The following ATP8A1 variants were observed in gnomAD, a reference collection of about 807,000 sequenced individuals.
ATP8A1 encodes the protein phospholipid-transporting ATPase IA.
Under a neutral mutation model 177.7 loss-of-function variants are expected in ATP8A1, and 90 were observed. The ratio of observed to expected loss-of-function variants is 0.51; its 90% CI spans 0.43 to 0.60. The LOEUF is 0.60. Among genes scored for constraint, ATP8A1 ranks in the 20% least tolerant of loss-of-function variants. ATP8A1 has a pLI of 0.00. For synonymous variants in ATP8A1, 493 were observed against 485.9 expected (o/e 1.01, Z -0.19); for missense variants, 1,072 against 1,392.8 (o/e 0.77, Z 3.67).
At chr4:42,544,047 G>T in intron 19 of ATP8A1, 61 bp from the exon 20 acceptor site, 1 of 1,303,142 alleles carries the variant, frequency 7.7e-7, no homozygotes, top group Non-Finnish European at 1.1e-6. Flanking sequence ...GTATGTGTTT[G>T]TCATGCCTCA....
chr4:42,583,546 A>T (rs1409869315), intron 9 of ATP8A1, among the ~76,000 whole-genome samples: 1 of 152,172 alleles, frequency 6.6e-6, no homozygotes, highest in African/African-American at 2.4e-5. Flanking sequence ...ATTAGACACA[A>T]ACTCTTCAAA....
intron 24 of ATP8A1, among the ~76,000 whole-genome samples, chr4:42,498,272 A>G (rs1265728471): frequency 2.0e-5 from 3 of 152,200 alleles, no homozygotes; most frequent in Admixed American, 2.0e-4. Flanking sequence ...CCCGTTCCCA[A>G]AACAGTGAGG....
At chr4:42,566,786 T>C (rs182631308) in intron 15 of ATP8A1, among the ~76,000 whole-genome samples, 1 of 152,302 alleles carries the variant, frequency 6.6e-6, no homozygotes, top group African/African-American at 2.4e-5. Context: ...TGATGTAGGT[T>C]TCAACTCTCA....
chr4:42,451,047 G>A (rs985928258), intron 30 of ATP8A1, among the ~76,000 whole-genome samples: 1 of 152,140 alleles, frequency 6.6e-6, no homozygotes, highest in Non-Finnish European at 1.5e-5. Flanking sequence ...TATCTGTGAA[G>A]AATGGGGAAC....
At chr4:42,652,611 A>G (rs1741206195) in intron 1 of ATP8A1, among the ~76,000 whole-genome samples, 1 of 152,066 alleles carries the variant, frequency 6.6e-6, no homozygotes, top group African/African-American at 2.4e-5. Flanking sequence ...TCTCATCTTA[A>G]ATTGTTGCTC....
chr4:42,645,471 T>C (rs1309523472), intron 1 of ATP8A1, among the ~76,000 whole-genome samples: 1 of 152,206 alleles, frequency 6.6e-6, no homozygotes, highest in Non-Finnish European at 1.5e-5. Flanking sequence ...TCAATACCAC[T>C]GCACATGAGA....
At chr4:42,512,847 G>GTC (rs1560408641) in intron 22 of ATP8A1, among the ~76,000 whole-genome samples, 1 of 152,172 alleles carries the variant, frequency 6.6e-6, no homozygotes. Context: ...GTCTGAGAAC[G>GTC]TAACTATGAG....
chr4:42,565,824 T>C (rs1731286895), intron 15 of ATP8A1, among the ~76,000 whole-genome samples: 1 of 152,146 alleles, frequency 6.6e-6, no homozygotes, highest in Non-Finnish European at 1.5e-5. Context: ...TATAGAAATA[T>C]ATAGTTTTAG....
At chr4:42,462,878 G>T (rs1719328237) in intron 27 of ATP8A1, among the ~76,000 whole-genome samples, 1 of 152,224 alleles carries the variant, frequency 6.6e-6, no homozygotes, top group Non-Finnish European at 1.5e-5. Flanking sequence ...GAGACGTGGA[G>T]TCAAAGGAGA....
chr4:42,591,328 A>G (rs1381766719), intron 6 of ATP8A1, among the ~76,000 whole-genome samples: 1 of 152,164 alleles, frequency 6.6e-6, no homozygotes, highest in Non-Finnish European at 1.5e-5. Context: ...CTTGAAAAAA[A>G]AAGTATACTA....
chr4:42,505,102 T>C (rs939020502), intron 23 of ATP8A1, among the ~76,000 whole-genome samples: 2 of 152,254 alleles, frequency 1.3e-5, no homozygotes, highest in Non-Finnish European at 2.9e-5. Flanking sequence ...ATAGCTATTA[T>C]ACTATGTGCT....
intron 6 of ATP8A1, among the ~76,000 whole-genome samples, chr4:42,598,875 T>C (rs932162453): frequency 2.0e-5 from 3 of 152,166 alleles, no homozygotes; most frequent in Admixed American, 6.5e-5. Flanking sequence ...ATAATTCTAA[T>C]TATTAAATAA....
intron 20 of ATP8A1, among the ~76,000 whole-genome samples, chr4:42,538,156 A>G (rs1354379052): frequency 1.3e-5 from 2 of 152,208 alleles, no homozygotes; most frequent in Admixed American, 1.3e-4. Flanking sequence ...AAACAAAAAC[A>G]TAAAGTGGGG....
intron 16 of ATP8A1, 134 bp downstream of exon 16, chr4:42,555,834 C>CTAAG: frequency 1.5e-6 from 1 of 655,338 alleles, no homozygotes; most frequent in Non-Finnish European, 2.5e-6. Flanking sequence ...AAATAACTAA[C>CTAAG]TAACTAACTA....
At chr4:42,452,579 C>T (rs1159148328) in intron 29 of ATP8A1, among the ~76,000 whole-genome samples, 1 of 152,146 alleles carries the variant, frequency 6.6e-6, no homozygotes, top group East Asian at 1.9e-4. Flanking sequence ...ATTATATAAT[C>T]ATACAAATAA....
intron 30 of ATP8A1, among the ~76,000 whole-genome samples, chr4:42,450,220 C>A (rs1035077461): frequency 7.9e-5 from 12 of 152,106 alleles, no homozygotes; most frequent in Non-Finnish European, 1.3e-4. Context: ...CATGGATGAA[C>A]CACGGTCACA....
At chr4:42,477,619 T>A (rs1264990253) in intron 25 of ATP8A1, among the ~76,000 whole-genome samples, 1 of 152,102 alleles carries the variant, frequency 6.6e-6, no homozygotes, top group Non-Finnish European at 1.5e-5. Context: ...GGTATCCCTA[T>A]GAGAAGAGAT....
intron 24 of ATP8A1, among the ~76,000 whole-genome samples, chr4:42,501,409 C>T (rs541523560): frequency 1.1e-3 from 174 of 152,332 alleles, no homozygotes; most frequent in Non-Finnish European, 1.9e-3. Flanking sequence ...AATTTGCTGA[C>T]GGTCCCACAG....
intron 1 of ATP8A1, among the ~76,000 whole-genome samples, chr4:42,651,875 A>C (rs1361234191): frequency 6.6e-6 from 1 of 152,216 alleles, no homozygotes; most frequent in African/African-American, 2.4e-5. Context: ...GGAGTGAGAA[A>C]AACTATTTTG....
Sources: allele counts gnomAD v4.1 joint callset (sites outside exome capture counted in the v4.1 genomes callset), GRCh38; gene constraint gnomAD v4.1.1; transcripts MANE v1.5; gene names NCBI Gene and HGNC (gene_info 2026-07-23, HGNC 2026-07-21).